The following AFG2A variants were observed in gnomAD, a reference collection of about 807,000 sequenced individuals.
AFG2A encodes the protein ATPase family gene 2 protein homolog A.
At chr4:123,051,640 CT>C in the AFG2A span, among the ~76,000 whole-genome samples, 2,524 of 95,938 alleles carry the variant, frequency 0.026, 20 homozygotes, top group South Asian at 0.046. Flanking sequence ...ATTTCCTCAG[CT>C]TTTTTTTTTT....
At chr4:123,007,606 GTGTATATA>G in the AFG2A span, among the ~76,000 whole-genome samples, 10 of 29,806 alleles carry the variant, frequency 3.4e-4, no homozygotes, top group South Asian at 7.7e-4. Flanking sequence ...GTGTGTGTGT[GTGTATATA>G]TATATATATA....
chr4:123,251,193 TAGAA>T, the AFG2A span, among the ~76,000 whole-genome samples: 1 of 152,138 alleles, frequency 6.6e-6, no homozygotes, highest in African/African-American at 2.4e-5. Flanking sequence ...TTTCAACTAT[TAGAA>T]AGGAAATTTT....
the AFG2A span, among the ~76,000 whole-genome samples, chr4:122,942,889 T>C: frequency 5.3e-5 from 8 of 151,780 alleles, no homozygotes; most frequent in African/African-American, 1.7e-4. Flanking sequence ...CATTTCGTTA[T>C]GTACCCAGTA....
the AFG2A span, among the ~76,000 whole-genome samples, chr4:123,262,152 A>G: frequency 1.3e-5 from 2 of 152,000 alleles, no homozygotes; most frequent in Non-Finnish European, 2.9e-5. Flanking sequence ...CAGTTCTTGT[A>G]CTTCTTAAAG....
At chr4:123,041,277 A>ACTTTT in the AFG2A span, among the ~76,000 whole-genome samples, 1 of 118,178 alleles carries the variant, frequency 8.5e-6, no homozygotes. Context: ...CGCCCAGCTA[A>ACTTTT]TTTTTTTTTT....
chr4:123,052,215 T>C, the AFG2A span, among the ~76,000 whole-genome samples: 1 of 152,328 alleles, frequency 6.6e-6, no homozygotes, highest in Admixed American at 6.5e-5. Context: ...TTCCTTTTCA[T>C]CAGTCCTGCT....
chr4:123,134,336 C>T, the AFG2A span, among the ~76,000 whole-genome samples: 3,277 of 152,204 alleles, frequency 0.022, 113 homozygotes, highest in African/African-American at 0.074. Flanking sequence ...TCAGTTTGCT[C>T]GTCATCACTT....
chr4:123,056,940 C>T, the AFG2A span, among the ~76,000 whole-genome samples: 1 of 152,204 alleles, frequency 6.6e-6, no homozygotes, highest in African/African-American at 2.4e-5. Context: ...GGGATTTTAA[C>T]TGAAATTTTC....
chr4:122,974,716 C>T, the AFG2A span, among the ~76,000 whole-genome samples: 2 of 152,072 alleles, frequency 1.3e-5, no homozygotes, highest in Non-Finnish European at 2.9e-5. Context: ...TCTCGGCTCA[C>T]CGCAGCCTCT....
At chr4:123,197,951 C>T in the AFG2A span, among the ~76,000 whole-genome samples, 1 of 151,762 alleles carries the variant, frequency 6.6e-6, no homozygotes, top group Non-Finnish European at 1.5e-5. Context: ...ATTTTGAAGC[C>T]TCTAACATCA....
the AFG2A span, among the ~76,000 whole-genome samples, chr4:123,276,251 T>C: frequency 6.6e-6 from 1 of 152,212 alleles, no homozygotes; most frequent in Non-Finnish European, 1.5e-5. Context: ...TGTTGAGCAT[T>C]TTTCCATATG....
chr4:123,301,529 A>G, the AFG2A span, among the ~76,000 whole-genome samples: 2 of 152,212 alleles, frequency 1.3e-5, no homozygotes, highest in African/African-American at 4.8e-5. Flanking sequence ...TTATTTATTT[A>G]TATGCTAGAT....
chr4:123,069,016 A>G, the AFG2A span, among the ~76,000 whole-genome samples: 2 of 152,206 alleles, frequency 1.3e-5, no homozygotes, highest in Non-Finnish European at 2.9e-5. Flanking sequence ...CGTGCTAAAA[A>G]CATTTAATGG....
chr4:123,239,737 A>G, the AFG2A span, among the ~76,000 whole-genome samples: 3 of 152,248 alleles, frequency 2.0e-5, no homozygotes, highest in African/African-American at 7.2e-5. Context: ...GCCAAATTGT[A>G]AAGACCATCG....
chr4:122,935,989 T>C, the AFG2A span: 4 of 1,300,314 alleles, frequency 3.1e-6, no homozygotes, highest in Non-Finnish European at 4.1e-6. Flanking sequence ...AAAATTCTTT[T>C]TGAAAGTAAT....
the AFG2A span, among the ~76,000 whole-genome samples, chr4:123,039,123 C>T: frequency 6.6e-6 from 1 of 152,090 alleles, no homozygotes; most frequent in East Asian, 1.9e-4. Context: ...CTACAGAGAA[C>T]AATGACCATT....
the AFG2A span, among the ~76,000 whole-genome samples, chr4:122,974,571 C>T: frequency 6.6e-6 from 1 of 152,192 alleles, no homozygotes. Context: ...GGAACTGTAG[C>T]TTGCTGTGGC....
At chr4:123,076,786 T>A in the AFG2A span, among the ~76,000 whole-genome samples, 269 of 152,252 alleles carry the variant, frequency 1.8e-3, 3 homozygotes, top group African/African-American at 6.1e-3. Flanking sequence ...TTTAGCCTTA[T>A]TTTGAACTCA....
At chr4:123,181,186 G>A in the AFG2A span, among the ~76,000 whole-genome samples, 4 of 151,776 alleles carry the variant, frequency 2.6e-5, no homozygotes, top group East Asian at 1.9e-4. Flanking sequence ...GGGTTTCACT[G>A]TGTTAGCCAG....
Sources: gnomAD v4.1 joint callset for allele counts (sites outside exome capture counted in the v4.1 genomes callset) on GRCh38, gnomAD v4.1.1 for gene constraint, MANE v1.5 for transcripts, NCBI Gene and HGNC (gene_info 2026-07-23, HGNC 2026-07-21) for gene names.